Variants in LRP1B observed in about 807,000 individuals in gnomAD.
LRP1B encodes LDL receptor related protein 1B.
A neutral mutation model predicts 556.6 loss-of-function variants in LRP1B; 217 were observed. The ratio of observed to expected loss-of-function variants is 0.39; its 90% CI spans 0.35 to 0.44. LRP1B has a LOEUF of 0.44. Ranked by LOEUF, LRP1B falls within the 20% of genes least tolerant of loss-of-function variation. The pLI, the probability that LRP1B is intolerant of heterozygous loss-of-function variation, is 1.00. For missense variants in LRP1B, 5,053 were observed against 5,620.8 expected (o/e 0.90, Z 3.23); for synonymous variants, 2,047 against 1,865.8 (o/e 1.10, Z -2.50).
intron 11 of LRP1B, among the ~76,000 whole-genome samples, chr2:141,046,057 A>G (rs1445624377): frequency 1.3e-5 from 2 of 152,144 alleles, no homozygotes; most frequent in Non-Finnish European, 2.9e-5. Context: ...GGGGTTTTCA[A>G]TAAACCTCTA....
intron 71 of LRP1B, among the ~76,000 whole-genome samples, chr2:140,369,603 A>T (rs1043468467): frequency 6.6e-6 from 1 of 151,838 alleles, no homozygotes; most frequent in African/African-American, 2.4e-5. Flanking sequence ...ATTCAAAAGG[A>T]AACTGAAGGC....
intron 20 of LRP1B, among the ~76,000 whole-genome samples, chr2:140,948,504 G>T (rs1453459197): frequency 1.3e-5 from 2 of 152,208 alleles, no homozygotes; most frequent in African/African-American, 2.4e-5. Context: ...AGAGAGAAGA[G>T]TGAGGTCTTG....
chr2:140,275,480 G>A (rs116044155), intron 84 of LRP1B, among the ~76,000 whole-genome samples: 2,450 of 151,502 alleles, frequency 0.016, 63 homozygotes, highest in African/African-American at 0.057. Flanking sequence ...CAAAGTGGCA[G>A]TCAGCCACAT....
intron 85 of LRP1B, among the ~76,000 whole-genome samples, chr2:140,272,145 G>A (rs1021162701): frequency 1.3e-5 from 2 of 151,786 alleles, no homozygotes; most frequent in Admixed American, 6.6e-5. Context: ...CATTTTAAAT[G>A]TGAAATACAA....
intron 2 of LRP1B, among the ~76,000 whole-genome samples, chr2:141,640,514 C>T (rs770939083): frequency 4.6e-5 from 7 of 152,222 alleles, no homozygotes; most frequent in Middle Eastern, 3.4e-3. Flanking sequence ...AGGCTGGGCA[C>T]GGTGACTAGG....
chr2:141,441,808 T>C (rs1680986429), intron 3 of LRP1B, among the ~76,000 whole-genome samples: 1 of 152,194 alleles, frequency 6.6e-6, no homozygotes, highest in African/African-American at 2.4e-5. Context: ...TTTTCAATAA[T>C]GCAAGTTGAA....
chr2:140,335,555 C>G, intron 78 of LRP1B, 60 bp downstream of exon 78: 7 of 999,308 alleles, frequency 7.0e-6, no homozygotes, highest in Non-Finnish European at 1.1e-5. Context: ...ATCTATAGAG[C>G]ATAATTTCTA....
At chr2:141,064,714 G>T (rs1699432746) in intron 7 of LRP1B, among the ~76,000 whole-genome samples, 1 of 151,804 alleles carries the variant, frequency 6.6e-6, no homozygotes, top group African/African-American at 2.4e-5. Context: ...TGTTTTTAGT[G>T]GTGTTTAATT....
intron 2 of LRP1B, among the ~76,000 whole-genome samples, chr2:141,606,713 A>G (rs1233566050): frequency 2.6e-5 from 4 of 152,162 alleles, no homozygotes; most frequent in African/African-American, 9.7e-5. Context: ...CCAGCTGAAT[A>G]CAAGCCAAGG....
At position 140,863,443 on chromosome 2, in the gene LRP1B, A is replaced by G. The variant is rs75157326; in HGVS notation, c.4579+4147T>C. On this transcript the variant is annotated intron_variant, in intron 27 of 90. Coordinates refer to ENST00000389484, the MANE Select transcript of LRP1B (RefSeq NM_018557.3). Reference sequence around the variant, plus strand: ...CAGAATCTCTGGGTAACGCCCCCCAATATGTGTTTTAATAAGCCCTCCATT... The same window carrying G: ...CAGAATCTCTGGGTAACGCCCCCCAGTATGTGTTTTAATAAGCCCTCCATT... 2.6e-3 allele frequency among the ~76,000 whole-genome samples: 390 copies of G among 152,280 alleles called. 2 individuals carry two copies. Among genetic ancestry groups the G allele is most frequent in the African/African-American group, 8.9e-3 (371 of 41,568 alleles).
At chr2:142,002,317 G>C (rs538369484) in intron 1 of LRP1B, among the ~76,000 whole-genome samples, 1 of 152,126 alleles carries the variant, frequency 6.6e-6, no homozygotes, top group African/African-American at 2.4e-5. Flanking sequence ...AAAATTGGGA[G>C]AGTTTTACTT....
At chr2:141,338,978 C>T (rs974959721) in intron 3 of LRP1B, among the ~76,000 whole-genome samples, 9 of 151,934 alleles carry the variant, frequency 5.9e-5, no homozygotes, top group African/African-American at 2.2e-4. Flanking sequence ...TAGGATATGA[C>T]AGGCGTTCAT....
At chr2:141,416,542 C>A (rs190568834) in intron 3 of LRP1B, among the ~76,000 whole-genome samples, 9 of 150,836 alleles carry the variant, frequency 6.0e-5, no homozygotes, top group African/African-American at 1.7e-4. Context: ...CAACCTCTGC[C>A]TCCCAGGCTC....
chr2:141,823,010 T>C (rs891683042), intron 1 of LRP1B, among the ~76,000 whole-genome samples: 1 of 151,808 alleles, frequency 6.6e-6, no homozygotes, highest in Non-Finnish European at 1.5e-5. Context: ...ATGTGCAGAG[T>C]GTATTGTTCA....
At chr2:140,240,682 C>T (rs1463205486) in intron 87 of LRP1B, among the ~76,000 whole-genome samples, 1 of 150,838 alleles carries the variant, frequency 6.6e-6, no homozygotes, top group Non-Finnish European at 1.5e-5. Flanking sequence ...GACAAGTCAA[C>T]TTAATCACTG....
intron 34 of LRP1B, among the ~76,000 whole-genome samples, chr2:140,770,231 T>A (rs1295514201): frequency 6.6e-6 from 1 of 151,834 alleles, no homozygotes; most frequent in Non-Finnish European, 1.5e-5. Flanking sequence ...GCCATGCACA[T>A]AAGTATCATA....
intron 7 of LRP1B, among the ~76,000 whole-genome samples, chr2:141,130,932 C>G (rs1183513943): frequency 6.6e-6 from 1 of 152,022 alleles, no homozygotes; most frequent in Non-Finnish European, 1.5e-5. Flanking sequence ...GAACAGAAAA[C>G]CAAACACCAC....
At chr2:140,406,251 A>T (rs1042065207) in intron 66 of LRP1B, among the ~76,000 whole-genome samples, 11 of 152,188 alleles carry the variant, frequency 7.2e-5, no homozygotes, top group African/African-American at 2.2e-4. Context: ...AATGGGGAAA[A>T]GTTGAAAGCA....
intron 1 of LRP1B, among the ~76,000 whole-genome samples, chr2:141,875,819 GTGTA>G (rs1193889916): frequency 6.6e-6 from 1 of 151,878 alleles, no homozygotes; most frequent in African/African-American, 2.4e-5. Flanking sequence ...ATATGTATAT[GTGTA>G]TGTATGCGTA....
Sources: gnomAD v4.1 joint callset for allele counts (sites outside exome capture counted in the v4.1 genomes callset) on GRCh38, gnomAD v4.1.1 for gene constraint, MANE v1.5 for transcripts, NCBI Gene and HGNC (gene_info 2026-07-23, HGNC 2026-07-21) for gene names.